MRTFB: variants seen among roughly 807,000 people sequenced by gnomAD.
MRTFB encodes myocardin related transcription factor B, also known as myocardin-related transcription factor B.
Under a neutral mutation model 104.2 loss-of-function variants are expected in MRTFB, and 29 were observed. That is an observed-to-expected ratio of 0.28 (90% CI 0.21 to 0.38). MRTFB has a LOEUF of 0.38. Ranked by LOEUF, MRTFB falls within the 10% of genes least tolerant of loss-of-function variation. The pLI, the probability that MRTFB is intolerant of heterozygous loss-of-function variation, is 1.00. For missense variants in MRTFB, 1,270 were observed against 1,341.6 expected (o/e 0.95, Z 0.83); for synonymous variants, 535 against 519.5 (o/e 1.03, Z -0.41).
intron 2 of MRTFB, among the ~76,000 whole-genome samples, chr16:14,093,072 T>C (rs901861095): frequency 6.6e-6 from 1 of 152,170 alleles, no homozygotes; most frequent in African/African-American, 2.4e-5. Context: ...TTGACTTTGG[T>C]TTTTTTACCC....
intron 10 of MRTFB, chr16:14,240,800 G>T (rs760585217): frequency 5.4e-5 from 40 of 745,280 alleles, no homozygotes; most frequent in Non-Finnish European, 8.6e-5. Context: ...AGCGTAAGTA[G>T]TATAATACCT....
At chr16:14,057,947 G>A in the MRTFB span, among the ~76,000 whole-genome samples, 9 of 152,338 alleles carry the variant, frequency 5.9e-5, no homozygotes, top group African/African-American at 1.9e-4. Flanking sequence ...TTGGGATCCT[G>A]CCATTCCCAG....
intron 8 of MRTFB, among the ~76,000 whole-genome samples, chr16:14,232,113 G>C: frequency 6.6e-6 from 1 of 152,158 alleles, no homozygotes; most frequent in African/African-American, 2.4e-5. Context: ...AACACTTACT[G>C]CTCTCAGATT....
intron 16 of MRTFB, among the ~76,000 whole-genome samples, chr16:14,260,248 A>G (rs2043708360): frequency 6.6e-6 from 1 of 152,170 alleles, no homozygotes; most frequent in Admixed American, 6.5e-5. Flanking sequence ...CAAAGGAACC[A>G]TATGTTAGCT....
chr16:14,099,654 C>T (rs2035589363), intron 2 of MRTFB, among the ~76,000 whole-genome samples: 1 of 148,204 alleles, frequency 6.7e-6, no homozygotes. Context: ...CAGCCGTATT[C>T]TGCATCTTTT....
At chr16:14,053,311 C>T in the MRTFB span, among the ~76,000 whole-genome samples, 3 of 152,008 alleles carry the variant, frequency 2.0e-5, no homozygotes, top group East Asian at 1.9e-4. Flanking sequence ...TTTACATTTT[C>T]TTTATCCATT....
At chr16:14,034,505 T>C in the MRTFB span, among the ~76,000 whole-genome samples, 1 of 151,718 alleles carries the variant, frequency 6.6e-6, no homozygotes, top group Non-Finnish European at 1.5e-5. Flanking sequence ...TCCCAGCTAG[T>C]TGGGAGGCTG....
At chr16:14,060,466 G>T in the MRTFB span, among the ~76,000 whole-genome samples, 5 of 151,962 alleles carry the variant, frequency 3.3e-5, no homozygotes, top group Non-Finnish European at 7.4e-5. Flanking sequence ...ACTTCATTTC[G>T]CAGGTTTCAG....
rs2042625579 is a variant in MRTFB, at chr16:14,238,564, G to A, written c.832-1673G>A. On this transcript the variant is annotated intron_variant, in intron 9 of 16. Transcript: ENST00000571589. ...ACAAGATCTAGGCTATCATCACACA[G>A]TGACTGGCTGAGAGAGGAGATGAGA... Among the ~76,000 whole-genome samples, 4 of 152,312 alleles carry A rather than the reference G, an allele frequency of 2.6e-5. No individual in the cohort carries two copies. In the South Asian group the frequency reaches 6.2e-4, roughly 24 times the overall value.
intron 8 of MRTFB, among the ~76,000 whole-genome samples, chr16:14,227,426 G>A (rs76524542): frequency 6.6e-6 from 1 of 152,196 alleles, no homozygotes; most frequent in Non-Finnish European, 1.5e-5. Context: ...CTTGCCAGAT[G>A]CACATGCTGG....
chr16:14,215,566 T>C (rs1353969818), intron 6 of MRTFB, among the ~76,000 whole-genome samples: 1 of 152,208 alleles, frequency 6.6e-6, no homozygotes, highest in Non-Finnish European at 1.5e-5. Flanking sequence ...GTGATGGTAA[T>C]GTAAGAGAGG....
the MRTFB span, among the ~76,000 whole-genome samples, chr16:14,053,533 C>T: frequency 6.6e-6 from 1 of 151,938 alleles, no homozygotes; most frequent in African/African-American, 2.4e-5. Context: ...GAGTTCGAGA[C>T]CAGTCTGGCC....
the MRTFB span, among the ~76,000 whole-genome samples, chr16:14,050,249 AC>A: frequency 2.0e-5 from 3 of 152,242 alleles, no homozygotes; most frequent in South Asian, 6.2e-4. Flanking sequence ...AGATTATTTT[AC>A]AGTTCTTGCA....
chr16:14,061,114 C>G, the MRTFB span, among the ~76,000 whole-genome samples: 1 of 152,088 alleles, frequency 6.6e-6, no homozygotes, highest in Admixed American at 6.6e-5. Context: ...CCACTGCACT[C>G]CAGCCTGGGC....
chr16:14,110,472 A>G (rs1041052659), intron 2 of MRTFB, among the ~76,000 whole-genome samples: 3 of 152,094 alleles, frequency 2.0e-5, no homozygotes, highest in African/African-American at 7.2e-5. Flanking sequence ...AAATCTCTTC[A>G]TGTCTTTGGG....
the MRTFB span, among the ~76,000 whole-genome samples, chr16:14,029,493 T>TTA: frequency 7.9e-6 from 1 of 126,174 alleles, no homozygotes; most frequent in Non-Finnish European, 1.7e-5. Context: ...TATATACACA[T>TTA]TATATATATA....
At chr16:14,255,833 G>T (rs116200640) in intron 15 of MRTFB, among the ~76,000 whole-genome samples, 2,286 of 151,924 alleles carry the variant, frequency 0.015, 49 homozygotes, top group African/African-American at 0.053. Flanking sequence ...CAATAGAAAG[G>T]CCTGGCATGG....
intron 9 of MRTFB, among the ~76,000 whole-genome samples, chr16:14,238,584 A>T (rs1209215626): frequency 2.0e-5 from 3 of 152,164 alleles, no homozygotes; most frequent in Admixed American, 1.3e-4. Context: ...GAGAGAGGAG[A>T]TGAGATACCT....
At chr16:14,244,445 C>T (rs2042927264) in intron 10 of MRTFB, among the ~76,000 whole-genome samples, 1 of 152,082 alleles carries the variant, frequency 6.6e-6, no homozygotes, top group Admixed American at 6.6e-5. Flanking sequence ...AGATGTTTTC[C>T]TTTAGTACTA....
Sources: gnomAD v4.1 joint callset for allele counts (sites outside exome capture counted in the v4.1 genomes callset) on GRCh38, gnomAD v4.1.1 for gene constraint, MANE v1.5 for transcripts, NCBI Gene and HGNC (gene_info 2026-07-23, HGNC 2026-07-21) for gene names.